FBXW7: variants seen among roughly 807,000 people sequenced by gnomAD.
FBXW7 encodes the protein F-box/WD repeat-containing protein 7.
Under a neutral mutation model 86.3 loss-of-function variants are expected in FBXW7, and 11 were observed. The observed-to-expected ratio is 0.13, with a 90% CI of 0.08 to 0.21. The LOEUF (loss-of-function observed/expected upper bound fraction) is 0.21, where lower values mean the gene tolerates loss of function less well. FBXW7 is among the 10% of genes least tolerant of loss of function. FBXW7 has a pLI of 1.00. For synonymous variants in FBXW7, 313 were observed against 297.9 expected, an observed-to-expected ratio of 1.05 and a Z score of -0.52; for missense variants, 488 against 847.4, an observed-to-expected ratio of 0.58 and a Z score of 5.27.
intron 4 of FBXW7, among the ~76,000 whole-genome samples, chr4:152,362,197 C>T (rs1385508742): frequency 6.6e-6 from 1 of 152,028 alleles, no homozygotes; most frequent in Non-Finnish European, 1.5e-5. Context: ...GTGCATATAG[C>T]TGTGGTCTGT....
chr4:152,425,732 T>A (rs1301882555), intron 2 of FBXW7, among the ~76,000 whole-genome samples: 1 of 150,616 alleles, frequency 6.6e-6, no homozygotes, highest in Non-Finnish European at 1.5e-5. Context: ...GCCCTGAGAG[T>A]TTTTCGAAAC....
rs377263049 is a variant in FBXW7 at position 152,535,040 on chromosome 4, A to T, written c.-212-7T>A. ...GGAAGGCTCCGGCGCGGTACTGAGG[A>T]AGAAGCGGTGCTCGTGTCGCTAAAC... is the stretch of plus-strand genomic sequence containing the variant. On this transcript the variant is annotated splice_region_variant and splice_polypyrimidine_tract_variant and intron_variant, in intron 1 of 13. Transcript: ENST00000281708. 2 of 152,254 alleles carry T rather than the reference A, an allele frequency of 1.3e-5. No homozygotes were observed. The highest frequency in any genetic ancestry group is 2.4e-5 in the African/African-American group (1 of 41,428). The allele number at this position is 152,254 out of a possible 1,614,324, so 9.4% of individuals were successfully genotyped here. A position where few individuals can be genotyped will look rare whatever the true frequency, so the allele number is the denominator to read the frequency against.
intron 2 of FBXW7, among the ~76,000 whole-genome samples, chr4:152,528,580 A>G (rs1310451362): frequency 6.6e-6 from 1 of 152,228 alleles, no homozygotes; most frequent in Admixed American, 6.5e-5. Context: ...CTCAAACTGC[A>G]GATGCTCCCT....
chr4:152,387,607 T>TAAAAAA (rs140171187), intron 4 of FBXW7, among the ~76,000 whole-genome samples: 1 of 129,212 alleles, frequency 7.7e-6, no homozygotes, highest in African/African-American at 2.9e-5. Context: ...GCAAAAACTG[T>TAAAAAA]AAAAAAAAAA....
chr4:152,337,984 A>G (rs777984337), intron 6 of FBXW7, 48 bp from the exon 7 acceptor site: 4 of 1,556,120 alleles, frequency 2.6e-6, no homozygotes, highest in Non-Finnish European at 3.5e-6. Flanking sequence ...GATGTCCCAA[A>G]TTACAGGCTT....
intron 2 of FBXW7, among the ~76,000 whole-genome samples, chr4:152,412,759 C>T (rs983481516): frequency 1.3e-5 from 2 of 151,892 alleles, no homozygotes; most frequent in African/African-American, 4.8e-5. Context: ...GGGGAAAATG[C>T]TGGAAATTGT....
rs558209533 is a variant in FBXW7, at chr4:152,455,935, T to G, written c.-119-43406A>C. ...TTTAACTTAATCACATATGCAAAGT[T>G]TGTGGAGCCATATCAGGTAACATAT... is the stretch of plus-strand genomic sequence containing the variant. On this transcript the variant is annotated intron_variant, in intron 2 of 13. Transcript: ENST00000281708. 7.4e-4 allele frequency among the ~76,000 whole-genome samples: 113 copies of G among 152,286 alleles called. No homozygotes were observed. The South Asian group carries it at 0.022, about 30-fold the overall frequency.
intron 4 of FBXW7, among the ~76,000 whole-genome samples, chr4:152,359,114 T>G (rs771296730): frequency 4.6e-5 from 7 of 152,144 alleles, no homozygotes; most frequent in Non-Finnish European, 8.8e-5. Flanking sequence ...TTCTACTACA[T>G]CTGGGAAATC....
At chr4:152,432,291 A>G (rs1320526964) in intron 2 of FBXW7, among the ~76,000 whole-genome samples, 8 of 152,206 alleles carry the variant, frequency 5.3e-5, no homozygotes, top group Admixed American at 2.0e-4. Flanking sequence ...AGCATACCTG[A>G]TATTAGAACA....
chr4:152,477,115 C>A (rs990598504), intron 2 of FBXW7, among the ~76,000 whole-genome samples: 4 of 151,210 alleles, frequency 2.6e-5, no homozygotes, highest in African/African-American at 7.3e-5. Context: ...CACTAATAAA[C>A]TGTCCTTCAA....
intron 4 of FBXW7, among the ~76,000 whole-genome samples, chr4:152,351,966 C>CG (rs1251947057): frequency 6.6e-6 from 1 of 152,018 alleles, no homozygotes; most frequent in Non-Finnish European, 1.5e-5. Context: ...CTTTTAAATA[C>CG]TGTACTGTTT....
Position 152,414,511 on chromosome 4 carries a change from G to C in FBXW7, c.-119-1982C>G, listed in dbSNP as rs1242926463. ...CTATAAAAGTATCATTCGTGGCTGT[G>C]AAAGTGACTGTGTTGTTACAGTTCT... On this transcript the variant is annotated intron_variant, in intron 2 of 13. Coordinates refer to ENST00000281708, the MANE Select transcript of FBXW7 (RefSeq NM_001349798.2). 2.0e-5 allele frequency among the ~76,000 whole-genome samples: 3 copies of C among 152,094 alleles called. No individual in the cohort carries two copies. In the East Asian group the frequency reaches 5.8e-4, roughly 29 times the overall value.
At position 152,322,324 on chromosome 4, in the gene FBXW7, CAAA is replaced by C. The variant is rs3841114; in HGVS notation, c.*554_*556del. On this transcript the variant is annotated 3_prime_UTR_variant, in exon 14 of 14. Transcript: ENST00000281708. ...ATTGATTGACATTGGCAATGGTTGGCAAAAAAAAAAAAAAAAAAGCTTTTCATG... is the reference window on the plus strand; with the variant it reads ...ATTGATTGACATTGGCAATGGTTGGCAAAAAAAAAAAAAAAGCTTTTCATG... The C allele has an allele frequency of 0.017, 2,797 of 162,574 alleles. No individual in the cohort carries two copies. The highest frequency in any genetic ancestry group is 0.047 in the Middle Eastern group (27 of 578). 10.1% of individuals were successfully genotyped at this position (162,574 alleles called of 1,614,324 possible).
At chr4:152,331,305 C>T (rs1024368606) in intron 8 of FBXW7, among the ~76,000 whole-genome samples, 1 of 151,958 alleles carries the variant, frequency 6.6e-6, no homozygotes, top group African/African-American at 2.4e-5. Flanking sequence ...GGATTATTCA[C>T]AGTAACTAAA....
intron 4 of FBXW7, among the ~76,000 whole-genome samples, chr4:152,382,984 A>G (rs888610849): frequency 1.3e-5 from 2 of 152,076 alleles, no homozygotes; most frequent in Non-Finnish European, 2.9e-5. Context: ...CATACACACC[A>G]TTCTTTATCT....
At chr4:152,330,952 A>C in intron 8 of FBXW7, 84 bp from the exon 9 acceptor site, 3 of 1,371,054 alleles carry the variant, frequency 2.2e-6, no homozygotes. Context: ...CTTTATAAAG[A>C]GTATTCCATC....
At chr4:152,377,533 A>G (rs979975005) in intron 4 of FBXW7, among the ~76,000 whole-genome samples, 34 of 151,506 alleles carry the variant, frequency 2.2e-4, no homozygotes, top group African/African-American at 8.0e-4. Flanking sequence ...AGGTGGATCA[A>G]CTGCGGTCAG....
At chr4:152,362,115 A>G (rs1560805684) in intron 4 of FBXW7, among the ~76,000 whole-genome samples, 1 of 152,178 alleles carries the variant, frequency 6.6e-6, no homozygotes, top group Non-Finnish European at 1.5e-5. Flanking sequence ...CATGGTATGT[A>G]ATGATGGAAT....
chr4:152,505,237 C>T (rs1747303783), intron 2 of FBXW7, among the ~76,000 whole-genome samples: 2 of 152,108 alleles, frequency 1.3e-5, no homozygotes. Context: ...CTGGAAGGTG[C>T]TCTAGATGAG....
Sources: gnomAD v4.1 joint callset for allele counts (sites outside exome capture counted in the v4.1 genomes callset) on GRCh38, gnomAD v4.1.1 for gene constraint, MANE v1.5 for transcripts, NCBI Gene and HGNC (gene_info 2026-07-23, HGNC 2026-07-21) for gene names.